The following SLC16A2 variants were observed in gnomAD, a reference collection of about 807,000 sequenced individuals.
SLC16A2 encodes solute carrier family 16 member 2, also known as monocarboxylate transporter 8.
A neutral mutation model predicts 27.2 loss-of-function variants in SLC16A2; 3 were observed. That is an observed-to-expected ratio of 0.11 (90% CI 0.05 to 0.28). SLC16A2 has a LOEUF of 0.28. Among genes scored for constraint, SLC16A2 ranks in the 10% least tolerant of loss-of-function variants. SLC16A2 has a pLI of 1.00. For synonymous variants in SLC16A2, 202 were observed against 187.8 expected (o/e 1.08, Z -0.62); for missense variants, 295 against 458.5 (o/e 0.64, Z 3.26).
At chrX:74,519,838 G>A (rs894170755) in intron 1 of SLC16A2, among the ~76,000 whole-genome samples, 6 of 109,652 alleles carry the variant, frequency 5.5e-5, no homozygotes, top group African/African-American at 1.6e-4. Flanking sequence ...TTAGAGAAAT[G>A]CTGTGTGACT....
At position 74,531,407 on chromosome X, in the gene SLC16A2, G is replaced by A. The variant is rs375236134; in HGVS notation, c.1474G>A (p.Val492Ile). Residue 492 changes from valine to isoleucine, a missense_variant, in exon 6 of 6, where the codon GTA (valine) becomes ATA (isoleucine). Around this residue, in one of 3 missense-constraint regions of SLC16A2, gnomAD observed 144 missense variants for 219.8 expected, o/e 0.66. Transcript: ENST00000587091. Reference protein sequence around the residue: ...FAGVPPIIGAVILFFVPLMHQ... With the variant: ...FAGVPPIIGAIILFFVPLMHQ... ...CGGTGTGCCCCCCATCATCGGGGCT[G>A]TAATCCTCTTCTTCGTCCCTCTGAT... The A allele has an allele frequency of 9.1e-6, 11 of 1,211,243 alleles. No homozygotes were observed. Among genetic ancestry groups the A allele is most frequent in the Non-Finnish European group, 1.2e-5 (11 of 894,780 alleles).
chrX:74,437,851 C>A (rs113691471), intron 1 of SLC16A2, among the ~76,000 whole-genome samples: 3,783 of 111,324 alleles, frequency 0.034, 147 homozygotes, highest in African/African-American at 0.11. Flanking sequence ...GGACCCCCAC[C>A]CTCATCACAC....
intron 1 of SLC16A2, among the ~76,000 whole-genome samples, chrX:74,460,713 C>T (rs993270040): frequency 6.0e-4 from 67 of 111,343 alleles, no homozygotes; most frequent in Non-Finnish European, 1.1e-3. Flanking sequence ...TGCAGTGGTG[C>T]GATCTCGGCT....
chrX:74,459,813 G>A (rs1190103204), intron 1 of SLC16A2, among the ~76,000 whole-genome samples: 1 of 111,580 alleles, frequency 9.0e-6, no homozygotes, highest in African/African-American at 3.3e-5. Context: ...GGAATGTCTG[G>A]AGCACATAAG....
At chrX:74,484,771 T>C (rs1929685179) in intron 1 of SLC16A2, among the ~76,000 whole-genome samples, 1 of 112,215 alleles carries the variant, frequency 8.9e-6, no homozygotes, top group African/African-American at 3.2e-5. Context: ...CATAGCGTTG[T>C]CAGGGTGGCA....
chrX:74,469,267 T>C, intron 1 of SLC16A2, among the ~76,000 whole-genome samples: 1 of 112,155 alleles, frequency 8.9e-6, no homozygotes, highest in Middle Eastern at 4.6e-3. Flanking sequence ...CTATTGCATA[T>C]AGTGCTGCAA....
chrX:74,525,230 CT>C (rs1465795018), intron 3 of SLC16A2, among the ~76,000 whole-genome samples: 1 of 111,515 alleles, frequency 9.0e-6, no homozygotes, highest in African/African-American at 3.3e-5. Flanking sequence ...CTTAAAGGGA[CT>C]AAAAAAAATT....
intron 1 of SLC16A2, among the ~76,000 whole-genome samples, chrX:74,476,593 A>G (rs1929484041): frequency 8.9e-6 from 1 of 112,065 alleles, no homozygotes; most frequent in Non-Finnish European, 1.9e-5. Context: ...TTGTCCATTC[A>G]GTATGATATT....
intron 1 of SLC16A2, among the ~76,000 whole-genome samples, chrX:74,453,153 C>T (rs188222767): frequency 8.7e-4 from 95 of 108,801 alleles, no homozygotes; most frequent in Non-Finnish European, 1.7e-3. Context: ...GCTATTCTCC[C>T]GCCTCAGCCT....
intron 3 of SLC16A2, among the ~76,000 whole-genome samples, chrX:74,525,535 C>T (rs1433333250): frequency 9.0e-6 from 1 of 111,452 alleles, no homozygotes; most frequent in Non-Finnish European, 1.9e-5. Context: ...CGTGGAGGTA[C>T]CCACCCTCCT....
chrX:74,529,475 G>A, intron 5 of SLC16A2, 34 bp downstream of exon 5: 1 of 1,064,931 alleles, frequency 9.4e-7, no homozygotes, highest in African/African-American at 1.8e-5. Flanking sequence ...GCATGAATCA[G>A]GGAGTCCTTT....
At chrX:74,503,928 A>C (rs192884886) in intron 1 of SLC16A2, among the ~76,000 whole-genome samples, 56 of 111,923 alleles carry the variant, frequency 5.0e-4, no homozygotes, top group African/African-American at 1.6e-3. Context: ...TACTTTATGC[A>C]GTTGGTGTGA....
At chrX:74,448,117 A>T (rs993453749) in intron 1 of SLC16A2, among the ~76,000 whole-genome samples, 3 of 111,213 alleles carry the variant, frequency 2.7e-5, no homozygotes, top group Admixed American at 9.6e-5. Flanking sequence ...ACGGTTCCCA[A>T]CCCTAGCTGA....
In SLC16A2 at chrX:74,524,912, G is replaced by C. The variant is rs1930467412; in HGVS notation, c.1026+103G>C. On this transcript the variant is annotated intron_variant, in intron 3 of 5. Coordinates refer to ENST00000587091, the MANE Select transcript of SLC16A2 (RefSeq NM_006517.5). ...GGGTGGGAGACATTGAAAGGGCAGA[G>C]CTGGGACCTTTGGGAAAAGAAACAA... 5.5e-6 allele frequency: 4 copies of C among 727,851 alleles called. No homozygotes were observed. In the South Asian group the frequency reaches 6.6e-5, roughly 12 times the overall value. The allele number at this position is 727,851 out of a possible 1,213,427, so 60.0% of individuals were successfully genotyped here.
chrX:74,533,765 T>C lies in SLC16A2; in HGVS notation c.*2212T>C, dbSNP rs1269359636. On this transcript the variant is annotated 3_prime_UTR_variant, in exon 6 of 6. Transcript: ENST00000587091. The stretch of plus-strand genomic sequence containing the variant: ...GTGTGCTTTTGGAGAGAATGTTGAT[T>C]GGCAAAAGCAGCACAGTATTAATAT... 8.9e-6 allele frequency: 1 copy of C among 112,830 alleles called. No homozygotes were observed. Among genetic ancestry groups the C allele is most frequent in the Admixed American group, 9.3e-5 (1 of 10,696 alleles). The allele number at this position is 112,830 out of a possible 1,213,427, so 9.3% of individuals were successfully genotyped here.
intron 1 of SLC16A2, among the ~76,000 whole-genome samples, chrX:74,461,439 C>T (rs1929141456): frequency 9.3e-6 from 1 of 108,062 alleles, no homozygotes; most frequent in Non-Finnish European, 1.9e-5. Flanking sequence ...TGCACGCGTG[C>T]ATGTGTGTCT....
chrX:74,518,607 AAAAG>A (rs1421692118), intron 1 of SLC16A2, among the ~76,000 whole-genome samples: 2 of 111,143 alleles, frequency 1.8e-5, no homozygotes, highest in Non-Finnish European at 3.8e-5. Flanking sequence ...AAAAAAAAGA[AAAAG>A]AAAAGAAAAA....
At chrX:74,487,300 A>G (rs1929739506) in intron 1 of SLC16A2, among the ~76,000 whole-genome samples, 1 of 110,715 alleles carries the variant, frequency 9.0e-6, no homozygotes, top group Non-Finnish European at 1.9e-5. Flanking sequence ...TAATAGGCCT[A>G]TTCGTTGGGG....
chrX:74,471,739 A>G (rs1929361454), intron 1 of SLC16A2, among the ~76,000 whole-genome samples: 4 of 111,534 alleles, frequency 3.6e-5, no homozygotes, highest in South Asian at 7.5e-4. Context: ...TGCAACTATC[A>G]CCACCATCCA....
Sources: allele counts gnomAD v4.1 joint callset (sites outside exome capture counted in the v4.1 genomes callset), GRCh38; gene constraint gnomAD v4.1.1; regional missense constraint gnomAD v4.1.1; transcripts MANE v1.5; gene names NCBI Gene and HGNC (gene_info 2026-07-23, HGNC 2026-07-21).